DNM1: variants seen among roughly 807,000 people sequenced by gnomAD.
DNM1 encodes dynamin 1, also known as dynamin-1.
In DNM1, 29 loss-of-function variants were observed where a neutral mutation model predicts 104.6. The observed-to-expected ratio is 0.28, with a 90% CI of 0.21 to 0.38. The LOEUF (loss-of-function observed/expected upper bound fraction) is 0.38, where lower values mean the gene tolerates loss of function less well. Among genes scored for constraint, DNM1 ranks in the 10% least tolerant of loss-of-function variants. The pLI is 1.00. For synonymous variants in DNM1, 445 were observed against 475.8 expected (o/e 0.94, Z 0.84); for missense variants, 640 against 1,189.4 (o/e 0.54, Z 6.79).
At chr9:128,230,087 G>A (rs1381425103) in intron 10 of DNM1, among the ~76,000 whole-genome samples, 37 of 151,818 alleles carry the variant, frequency 2.4e-4, no homozygotes, top group African/African-American at 8.5e-4. Context: ...GTGTGGTGGC[G>A]GGTGCTTGTA....
Position 128,222,668 on chromosome 9 carries a change from G to A in DNM1, c.1128+72G>A, listed in dbSNP as rs982784269. 132 of 1,605,842 alleles carry A rather than the reference G, an allele frequency of 8.2e-5. No homozygotes were observed. The highest frequency in any genetic ancestry group is 1.0e-4 in the Non-Finnish European group (120 of 1,174,664). The stretch of plus-strand genomic sequence containing the variant: ...CCCTCACTCAGGACTCTCTCTGCGT[G>A]TGTTTTTGCTGGCCCCCACCCCACA... On this transcript the variant is annotated intron_variant, in intron 8 of 21. Transcript: ENST00000372923. This position sits in a 1 kb window ranked among gnomAD's most constrained non-coding sequence, Gnocchi z 7.8.
rs1834776898 is a variant in DNM1, at chr9:128,218,930, C to T, written c.386-119C>T. The T allele has an allele frequency of 7.5e-7, 1 of 1,326,182 alleles. No homozygotes were observed. The highest frequency in any genetic ancestry group is 1.4e-5 in the South Asian group (1 of 73,716). The allele number at this position is 1,326,182 out of a possible 1,614,324, so 82.2% of individuals were successfully genotyped here. Reference sequence around the variant, plus strand: ...ACTGCCACTTTCGCCCTGAGATTTCCTAGTCCCACCCACCTGCCACCCTGC... The same window carrying T: ...ACTGCCACTTTCGCCCTGAGATTTCTTAGTCCCACCCACCTGCCACCCTGC... On this transcript the variant is annotated intron_variant, in intron 3 of 21. Transcript: ENST00000372923. The surrounding 1 kb of genome is among the most constrained non-coding windows in gnomAD (Gnocchi z 4.8).
rs566988079 is a variant in DNM1 at position 128,207,817 on chromosome 9, G to A, written c.161+4186G>A. Among the ~76,000 whole-genome samples, 25 of 152,248 alleles carry A rather than the reference G, an allele frequency of 1.6e-4. No homozygotes were observed. The East Asian group carries it at 2.3e-3, about 14-fold the overall frequency. The stretch of plus-strand genomic sequence containing the variant: ...GCGCTGCTTCTATCCCTGCCTGGGC[G>A]TAGACAGGCAAGCCCTCTGGGATGG... On this transcript the variant is annotated intron_variant, in intron 1 of 21. Coordinates refer to ENST00000372923, the MANE Select transcript of DNM1 (RefSeq NM_004408.4).
intron 4 of DNM1, 82 bp from the exon 5 acceptor site, chr9:128,219,906 C>G (rs930931434): frequency 8.8e-7 from 1 of 1,134,132 alleles, no homozygotes. Flanking sequence ...CCGAGGAGAG[C>G]AGGGGGATGG....
At chr9:128,242,379 G>A (rs973927460) in intron 15 of DNM1, 34 bp downstream of exon 15, 2 of 1,261,790 alleles carry the variant, frequency 1.6e-6, no homozygotes, top group South Asian at 2.4e-5. Flanking sequence ...CAAGGGGCTG[G>A]GCTGGTGGAC....
Position 128,219,266 on chromosome 9 carries a change from C to G in DNM1, c.589+14C>G, listed in dbSNP as rs767639839. On this transcript the variant is annotated intron_variant, in intron 4 of 21. Transcript: ENST00000372923. ...TGGACCCCCAGGGTAGGTTCCCACCCGGTGGCCAATGCACAAAACCCCAGG... is the reference window on the plus strand; with the variant it reads ...TGGACCCCCAGGGTAGGTTCCCACCGGGTGGCCAATGCACAAAACCCCAGG... 8 of 1,612,124 alleles carry G rather than the reference C, an allele frequency of 5.0e-6. No homozygotes were observed. The African/African-American group carries it at 1.1e-4, about 22-fold the overall frequency.
Position 128,219,242 on chromosome 9 carries a change from G to A in DNM1, c.579G>A (p.Val193=). The change falls in exon 4 of 22, where the codon GTG becomes GTA. Residue 193 remains valine (V), a synonymous_variant. Transcript: ENST00000372923. ...NSDALKVAKE[V]DPQGQRTIGV... ...ACGCCCTCAAGGTCGCCAAGGAGGT[G>A]GACCCCCAGGGTAGGTTCCCACCCG... 6.2e-7 allele frequency: 1 copy of A among 1,614,068 alleles called. No individual in the cohort carries two copies. Among genetic ancestry groups the A allele is most frequent in the Non-Finnish European group, 8.5e-7 (1 of 1,180,022 alleles).
At chr9:128,212,988 G>T (rs953581662) in intron 1 of DNM1, among the ~76,000 whole-genome samples, 1 of 152,228 alleles carries the variant, frequency 6.6e-6, no homozygotes, top group African/African-American at 2.4e-5. Flanking sequence ...CCATGATGAT[G>T]ATGATGAATG....
At position 128,218,413 on chromosome 9, in the gene DNM1, C is replaced by T. The variant is rs1834741611; in HGVS notation, c.235+109C>T. The T allele has an allele frequency of 1.4e-6, 2 of 1,440,562 alleles. No individual in the cohort carries two copies. The allele number at this position is 1,440,562 out of a possible 1,614,324, so 89.2% of individuals were successfully genotyped here. A position where few individuals can be genotyped will look rare whatever the true frequency, so the allele number is the denominator to read the frequency against. On this transcript the variant is annotated intron_variant, in intron 2 of 21. Coordinates refer to ENST00000372923, the MANE Select transcript of DNM1 (RefSeq NM_004408.4). This position sits in a 1 kb window ranked among gnomAD's most constrained non-coding sequence, Gnocchi z 4.8. ...AACTTGCTTGCTGTGTGACTGTGGG[C>T]CTCGTTCCCCTTAGGGATAGCGGGG...
chr9:128,228,982 C>G (rs1414762789), intron 10 of DNM1, among the ~76,000 whole-genome samples: 1 of 133,446 alleles, frequency 7.5e-6, no homozygotes, highest in African/African-American at 2.9e-5. Context: ...GACTCCATCT[C>G]AAAAAAAAAA....
rs1362245025 is a variant in DNM1, at chr9:128,224,729, G to C, written c.1335+340G>C. Among the ~76,000 whole-genome samples the C allele has an allele frequency of 6.8e-6, 1 of 146,064 alleles. No individual in the cohort carries two copies. The highest frequency in any genetic ancestry group is 1.5e-5 in the Non-Finnish European group (1 of 66,548). On this transcript the variant is annotated intron_variant, in intron 10 of 21. Transcript: ENST00000372923. The surrounding 1 kb of genome is among the most constrained non-coding windows in gnomAD (Gnocchi z 4.3). ...CTGTCCTCGGAGGTGTCATCTTTGG[G>C]AGCTCCAGGGAGGGGTCTGGGGAAA... is the stretch of plus-strand genomic sequence containing the variant.
At position 128,254,648 on chromosome 9, in the gene DNM1, T is replaced by C. The variant is rs1446567258; in HGVS notation, c.2535-6T>C. On this transcript the variant is annotated splice_region_variant and splice_polypyrimidine_tract_variant and intron_variant, in intron 21 of 21. Coordinates refer to ENST00000372923, the MANE Select transcript of DNM1 (RefSeq NM_004408.4). The surrounding 1 kb of genome is among the most constrained non-coding windows in gnomAD (Gnocchi z 6.1). ...GTTTTCTCTCTGCTTTCTCTCCAAC[T>C]GCCAGCCGATCGGGTCAGGCAAGTC... 1.3e-6 allele frequency: 2 copies of C among 1,584,788 alleles called. No homozygotes were observed. Among genetic ancestry groups the C allele is most frequent in the Non-Finnish European group, 1.7e-6 (2 of 1,172,666 alleles).
At position 128,209,590 on chromosome 9, in the gene DNM1, G is replaced by A. The variant is rs528245406; in HGVS notation, c.161+5959G>A. ...CCTTCATCACAACCTGACCAGCTGG[G>A]TTTGAATTCAGAATTTCAGACTCCT... is the stretch of plus-strand genomic sequence containing the variant. On this transcript the variant is annotated intron_variant, in intron 1 of 21. Coordinates refer to ENST00000372923, the MANE Select transcript of DNM1 (RefSeq NM_004408.4). 2.0e-5 allele frequency among the ~76,000 whole-genome samples: 3 copies of A among 152,340 alleles called. No homozygotes were observed. In the East Asian group the frequency reaches 5.8e-4, roughly 29 times the overall value.
intron 14 of DNM1, 51 bp from the exon 15 acceptor site, chr9:128,242,181 A>G (rs544002773): frequency 9.5e-7 from 1 of 1,048,262 alleles, no homozygotes; most frequent in Admixed American, 1.8e-5. Context: ...CCCATCCCCC[A>G]TGGGGAGGCT....
rs1836307577 is a variant in DNM1, at chr9:128,240,649, GC to G, written c.1557+655del. ...ATTAAATCCTCAGCTCAAGCCCCTA[GC>G]CTGGCACGCAGTAGGTGCTCAACAG... On this transcript the variant is annotated intron_variant, in intron 14 of 21. Coordinates refer to ENST00000372923, the MANE Select transcript of DNM1 (RefSeq NM_004408.4). The surrounding 1 kb of genome is among the most constrained non-coding windows in gnomAD (Gnocchi z 5.1). 6.6e-6 allele frequency: 1 copy of G among 152,654 alleles called. No homozygotes were observed. Among genetic ancestry groups the G allele is most frequent in the Non-Finnish European group, 1.5e-5 (1 of 68,414 alleles). The allele number at this position is 152,654 out of a possible 1,614,324, so 9.5% of individuals were successfully genotyped here.
chr9:128,207,941 C>T (rs1311507908), intron 1 of DNM1, among the ~76,000 whole-genome samples: 4 of 152,030 alleles, frequency 2.6e-5, no homozygotes, highest in Non-Finnish European at 5.9e-5. Flanking sequence ...TGCCCAGAGC[C>T]GAAGGAGCAG....
At position 128,243,718 on chromosome 9, in the gene DNM1, G is replaced by A. The variant is rs918763866; in HGVS notation, c.1671+1373G>A. Among the ~76,000 whole-genome samples, 1 of 152,180 alleles carries A rather than the reference G, an allele frequency of 6.6e-6. No individual in the cohort carries two copies. On this transcript the variant is annotated intron_variant, in intron 15 of 21. Transcript: ENST00000372923. The surrounding 1 kb of genome is among the most constrained non-coding windows in gnomAD (Gnocchi z 4.0). ...GTTGAGGTTCCTTACTCAGGGCCAGGGAGACCATGTGACCTGGGGCTGAGG... is the reference window on the plus strand; with the variant it reads ...GTTGAGGTTCCTTACTCAGGGCCAGAGAGACCATGTGACCTGGGGCTGAGG...
chr9:128,250,415 T>G (rs1485230746), intron 20 of DNM1, 59 bp downstream of exon 20: 2 of 1,492,426 alleles, frequency 1.3e-6, no homozygotes, highest in African/African-American at 2.8e-5. Context: ...GCGGGAGGAA[T>G]GCCGGGACCG....
Position 128,245,466 on chromosome 9 carries a change from A to G in DNM1, c.1672-928A>G, listed in dbSNP as rs572261145. On this transcript the variant is annotated intron_variant, in intron 15 of 21. Transcript: ENST00000372923. The surrounding 1 kb of genome is among the most constrained non-coding windows in gnomAD (Gnocchi z 5.2). Reference sequence around the variant, plus strand: ...CTCTCCCAGAGCCCCATCCTGGGGTACCTCCTCCCTAGATCCCTGAACCCC... The same window carrying G: ...CTCTCCCAGAGCCCCATCCTGGGGTGCCTCCTCCCTAGATCCCTGAACCCC... 2.6e-5 allele frequency among the ~76,000 whole-genome samples: 4 copies of G among 151,608 alleles called. No individual in the cohort carries two copies. Among genetic ancestry groups the G allele is most frequent in the African/African-American group, 9.7e-5 (4 of 41,276 alleles).
Sources: gnomAD v4.1 joint callset for allele counts (sites outside exome capture counted in the v4.1 genomes callset) on GRCh38, gnomAD v4.1.1 for gene constraint, Gnocchi (gnomAD v3.1) non-coding constraint, MANE v1.5 for transcripts, NCBI Gene and HGNC (gene_info 2026-07-23, HGNC 2026-07-21) for gene names.